The following ARHGAP22 variants were observed in gnomAD, a reference collection of about 807,000 sequenced individuals.
ARHGAP22 encodes the protein Rho GTPase activating protein 22, also known as rho GTPase-activating protein 22.
In ARHGAP22, 48 loss-of-function variants were observed where a neutral mutation model predicts 59.1. That is an observed-to-expected ratio of 0.81 (90% CI 0.64 to 1.03). ARHGAP22 has a LOEUF of 1.03. Among genes scored for constraint, ARHGAP22 ranks in the 50% least tolerant of loss-of-function variants. The pLI is 0.00. For synonymous variants in ARHGAP22, 445 were observed against 416.4 expected (o/e 1.07, Z -0.84); for missense variants, 1,015 against 958.7 (o/e 1.06, Z -0.78).
rs796970398 is a variant in ARHGAP22 at position 48,611,879 on chromosome 10, CTCCCCTCCCG to C, written c.53-28737_53-28728del. 6.6e-3 allele frequency among the ~76,000 whole-genome samples: 203 copies of C among 30,804 alleles called. 2 individuals carry two copies. The highest frequency in any genetic ancestry group is 0.01 in the African/African-American group (110 of 10,646). The allele number at this position is 30,804 out of a possible 152,430, so 20.2% of individuals were successfully genotyped here. A position where few individuals can be genotyped will look rare whatever the true frequency, so the allele number is the denominator to read the frequency against. ...TTCCCCTCCCCTCCCCTCCCCTCCCCTCCCCTCCCGTCCCCTTCACTTTCCTTCTGCCTCC... is the reference window on the plus strand; with the variant it reads ...TTCCCCTCCCCTCCCCTCCCCTCCCCTCCCCTTCACTTTCCTTCTGCCTCC... On this transcript the variant is annotated intron_variant, in intron 1 of 9. Coordinates refer to the ARHGAP22 transcript ENST00000435790.
chr10:48,590,659 G>A (rs1339321143), intron 1 of ARHGAP22, among the ~76,000 whole-genome samples: 1 of 152,192 alleles, frequency 6.6e-6, no homozygotes, highest in South Asian at 2.1e-4. Flanking sequence ...ACTACAGGTC[G>A]CGCTGTGCCG....
chr10:48,598,072 G>A (rs1289833569), intron 1 of ARHGAP22, among the ~76,000 whole-genome samples: 3 of 152,252 alleles, frequency 2.0e-5, no homozygotes, highest in African/African-American at 7.2e-5. Context: ...AGACCAGCTT[G>A]GAGCTGCTCC....
chr10:48,612,295 T>C (rs899108484), intron 1 of ARHGAP22, among the ~76,000 whole-genome samples: 5 of 152,230 alleles, frequency 3.3e-5, no homozygotes, highest in Non-Finnish European at 5.9e-5. Context: ...GGCTGTACCA[T>C]GTCTAGCCCC....
chr10:48,462,850 A>C (rs2047283305), intron 4 of ARHGAP22, among the ~76,000 whole-genome samples: 1 of 152,202 alleles, frequency 6.6e-6, no homozygotes, highest in African/African-American at 2.4e-5. Flanking sequence ...CAGTCCGAGG[A>C]GGCTCCAGGG....
At chr10:48,498,468 A>T (rs2051169799) in intron 3 of ARHGAP22, among the ~76,000 whole-genome samples, 1 of 152,108 alleles carries the variant, frequency 6.6e-6, no homozygotes, top group Non-Finnish European at 1.5e-5. Context: ...ATGTAGAGGA[A>T]GCCACCCCAA....
At position 48,446,583 on chromosome 10, in the gene ARHGAP22, C is replaced by T. The variant is rs1369563257; in HGVS notation, c.1905G>A (p.Met635Ile). The T allele has an allele frequency of 6.2e-7, 1 of 1,614,158 alleles. No individual in the cohort carries two copies. Among genetic ancestry groups the T allele is most frequent in the East Asian group, 2.2e-5 (1 of 44,884 alleles). ...EEGSADLRKR[M>I]SRLEEELDQE... ...GGTCCAGTTCTTCTTCTAACCGGGA[C>T]ATTCGTTTTCTCAGGTCAGCACTCC... The change falls in exon 10 of 10, where the codon ATG becomes ATA. Residue 635 changes from methionine to isoleucine, a missense_variant. Physicochemically the swap from Met to Ile is conservative, Grantham distance 10 (BLOSUM62 1). Coordinates refer to ENST00000249601, the MANE Select transcript of ARHGAP22 (RefSeq NM_021226.4).
Position 48,446,085 on chromosome 10 carries a change from C to T in ARHGAP22, c.*306G>A, listed in dbSNP as rs569452130. ...GAAAGCTGACTGTTCCCGGTGGCTG[C>T]CTGGATCCTGGGCGCCCTCCATTTC... On this transcript the variant is annotated 3_prime_UTR_variant, in exon 10 of 10. Coordinates refer to ENST00000249601, the MANE Select transcript of ARHGAP22 (RefSeq NM_021226.4). The T allele has an allele frequency of 4.2e-5, 18 of 424,574 alleles. No individual in the cohort carries two copies. Among genetic ancestry groups the T allele is most frequent in the African/African-American group, 3.4e-4 (17 of 50,658 alleles). 26.3% of individuals were successfully genotyped at this position (424,574 alleles called of 1,614,324 possible).
At chr10:48,462,846 G>A (rs2047282641) in intron 4 of ARHGAP22, among the ~76,000 whole-genome samples, 1 of 152,202 alleles carries the variant, frequency 6.6e-6, no homozygotes, top group South Asian at 2.1e-4. Flanking sequence ...AAACCAGTCC[G>A]AGGAGGCTCC....
chr10:48,470,789 T>G (rs1304859952), intron 4 of ARHGAP22, among the ~76,000 whole-genome samples: 2 of 152,206 alleles, frequency 1.3e-5, no homozygotes, highest in Non-Finnish European at 2.9e-5. Flanking sequence ...GCCAGGCAGG[T>G]TGACATTCAC....
chr10:48,432,854 T>C, the ARHGAP22 span, among the ~76,000 whole-genome samples: 1 of 152,218 alleles, frequency 6.6e-6, no homozygotes, highest in African/African-American at 2.4e-5. Flanking sequence ...GATCCTCAGT[T>C]ATAGCTTGCA....
rs570435835 is a variant in ARHGAP22, at chr10:48,477,741, G to A, written c.451+1895C>T. Among the ~76,000 whole-genome samples the A allele has an allele frequency of 7.2e-5, 11 of 152,302 alleles. No individual in the cohort carries two copies. In the East Asian group the frequency reaches 1.2e-3, roughly 16 times the overall value. On this transcript the variant is annotated intron_variant, in intron 4 of 9. Coordinates refer to ENST00000249601, the MANE Select transcript of ARHGAP22 (RefSeq NM_021226.4). ...TCCCTGATTACTGATGAGGTTGTGCGCAGGAGCCTATGTTCACTGGTCATG... is the reference window on the plus strand; with the variant it reads ...TCCCTGATTACTGATGAGGTTGTGCACAGGAGCCTATGTTCACTGGTCATG...
At chr10:48,621,507 T>C (rs916001248) in intron 1 of ARHGAP22, among the ~76,000 whole-genome samples, 21 of 152,352 alleles carry the variant, frequency 1.4e-4, no homozygotes, top group South Asian at 8.3e-4. Flanking sequence ...AGGATTTAGA[T>C]ATGCCAGATT....
intron 1 of ARHGAP22, among the ~76,000 whole-genome samples, chr10:48,648,474 T>G (rs2062407010): frequency 6.6e-6 from 1 of 152,154 alleles, no homozygotes. Context: ...ACAAGCTCAC[T>G]GTTTCTCGGG....
rs759710866 is a variant in ARHGAP22 at position 48,555,587 on chromosome 10, G to A, written c.235-37C>T. The A allele has an allele frequency of 3.1e-6, 5 of 1,596,006 alleles. No individual in the cohort carries two copies. The Admixed American group carries it at 8.3e-5, about 27-fold the overall frequency. On this transcript the variant is annotated intron_variant, in intron 2 of 9. Coordinates refer to ENST00000249601, the MANE Select transcript of ARHGAP22 (RefSeq NM_021226.4). ...GCAAACACAAACACAGGGAGCATGA[G>A]ATGATGGGGAGGGGACTGCTGTCGT...
chr10:48,459,269 G>A (rs61838726), intron 5 of ARHGAP22, among the ~76,000 whole-genome samples: 7,195 of 152,290 alleles, frequency 0.047, 232 homozygotes, highest in African/African-American at 0.083. Context: ...GAGGGGAGCC[G>A]AGCTGCTGTG....
At chr10:48,446,962 T>G (rs770673848) in intron 9 of ARHGAP22, among the ~76,000 whole-genome samples, 1 of 152,026 alleles carries the variant, frequency 6.6e-6, no homozygotes, top group Non-Finnish European at 1.5e-5. Context: ...ATGGGGAGGG[T>G]TGGGACTCGG....
At chr10:48,490,597 C>T (rs912690581) in intron 3 of ARHGAP22, among the ~76,000 whole-genome samples, 1 of 152,228 alleles carries the variant, frequency 6.6e-6, no homozygotes, top group Non-Finnish European at 1.5e-5. Context: ...AGTGCCGCTT[C>T]TATCAAACTA....
intron 1 of ARHGAP22, 58 bp from the exon 2 acceptor site, chr10:48,583,210 GC>G (rs2059225794): frequency 1.3e-6 from 2 of 1,555,838 alleles, no homozygotes. Flanking sequence ...TATCAGTCCT[GC>G]CCCCATCCTG....
the ARHGAP22 span, chr10:48,431,023 T>A: frequency 4.7e-6 from 3 of 638,752 alleles, no homozygotes; most frequent in Non-Finnish European, 8.4e-6. Flanking sequence ...GTCAAGGAAT[T>A]GTTATTAATT....
Sources: allele counts gnomAD v4.1 joint callset (sites outside exome capture counted in the v4.1 genomes callset), GRCh38; gene constraint gnomAD v4.1.1; transcripts MANE v1.5; gene names NCBI Gene and HGNC (gene_info 2026-07-23, HGNC 2026-07-21).